SAXO1: variants seen among roughly 807,000 people sequenced by gnomAD.
The protein encoded by SAXO1 is 4930500O09Rik.
A neutral mutation model predicts 17.5 loss-of-function variants in SAXO1; 21 were observed. The observed-to-expected ratio is 1.20, with a 90% CI of 0.85 to 1.72. The LOEUF (loss-of-function observed/expected upper bound fraction) is 1.72, where lower values mean the gene tolerates loss of function less well. Among genes scored for constraint, SAXO1 ranks in the 40% most tolerant of loss-of-function variants. The pLI, the probability that SAXO1 is intolerant of heterozygous loss-of-function variation, is 0.00. For missense variants in SAXO1, 843 were observed against 596.0 expected, an observed-to-expected ratio of 1.41 and a Z score of -4.32; for synonymous variants, 274 against 216.5, an observed-to-expected ratio of 1.27 and a Z score of -2.33.
chr9:19,012,828 A>C (rs527836157), intron 1 of SAXO1, among the ~76,000 whole-genome samples: 1 of 152,358 alleles, frequency 6.6e-6, no homozygotes, highest in South Asian at 2.1e-4. Flanking sequence ...TTTACACAGC[A>C]GTCTGTATTA....
At chr9:18,962,453 G>A (rs1832527341) in intron 1 of SAXO1, among the ~76,000 whole-genome samples, 1 of 152,178 alleles carries the variant, frequency 6.6e-6, no homozygotes, top group South Asian at 2.1e-4. Flanking sequence ...CTTCTTTTGA[G>A]AAGTGTCTGT....
At chr9:19,024,168 G>C (rs1026777616) in intron 1 of SAXO1, among the ~76,000 whole-genome samples, 4 of 151,566 alleles carry the variant, frequency 2.6e-5, no homozygotes, top group South Asian at 2.1e-4. Context: ...GCAAGCTTCC[G>C]GCACGATCTC....
chr9:19,041,636 AATCT>A (rs1050697240), intron 1 of SAXO1, among the ~76,000 whole-genome samples: 1 of 152,182 alleles, frequency 6.6e-6, no homozygotes, highest in Non-Finnish European at 1.5e-5. Flanking sequence ...AGCAGAAACA[AATCT>A]ATACATCAAA....
chr9:19,000,449 G>A (rs377315719), intron 1 of SAXO1, among the ~76,000 whole-genome samples: 10 of 151,658 alleles, frequency 6.6e-5, no homozygotes, highest in South Asian at 6.3e-4. Context: ...CTGCCAGGCC[G>A]CCCCACCGTC....
chr9:18,932,028 T>C (rs888592211), intron 3 of SAXO1, among the ~76,000 whole-genome samples: 1 of 152,232 alleles, frequency 6.6e-6, no homozygotes, highest in African/African-American at 2.4e-5. Flanking sequence ...TTCTTAATGG[T>C]GTCTTTCTAA....
At chr9:19,013,540 A>ATTTTTTTT (rs1219136885) in intron 1 of SAXO1, among the ~76,000 whole-genome samples, 7 of 93,204 alleles carry the variant, frequency 7.5e-5, no homozygotes, top group African/African-American at 1.3e-4. Flanking sequence ...AAAAGTACGG[A>ATTTTTTTT]TTTTTTTTTT....
intron 1 of SAXO1, among the ~76,000 whole-genome samples, chr9:19,029,187 A>C (rs1490147131): frequency 6.6e-6 from 1 of 152,226 alleles, no homozygotes; most frequent in East Asian, 1.9e-4. Context: ...CAACAAGTAC[A>C]ATGTCCTCAA....
At chr9:18,975,598 A>G (rs1646175082) in intron 1 of SAXO1, among the ~76,000 whole-genome samples, 1 of 152,194 alleles carries the variant, frequency 6.6e-6, no homozygotes, top group Non-Finnish European at 1.5e-5. Flanking sequence ...CAATTGATCA[A>G]AGGATAAACT....
upstream of SAXO1, among the ~76,000 whole-genome samples, chr9:19,036,920 C>T (rs1054559435): frequency 6.6e-6 from 1 of 152,158 alleles, no homozygotes; most frequent in Non-Finnish European, 1.5e-5. Context: ...ATGAAAACAT[C>T]CAGAAGGGAG....
intron 1 of SAXO1, among the ~76,000 whole-genome samples, chr9:18,995,273 G>A (rs1182438367): frequency 2.6e-5 from 4 of 152,062 alleles, no homozygotes; most frequent in Non-Finnish European, 1.5e-5. Flanking sequence ...CTCCTTTCTA[G>A]CGATCAGTAT....
rs1422004360 is a variant in SAXO1, at chr9:18,927,921, T to G, written c.*131A>C. On this transcript the variant is annotated 3_prime_UTR_variant, in exon 4 of 4. Transcript: ENST00000380534. ...AGTGATTCTCATTTTATTCAAGTGCTCTGGAAGTGGTGAAGGTTTTTTGTT... is the reference window on the plus strand; with the variant it reads ...AGTGATTCTCATTTTATTCAAGTGCGCTGGAAGTGGTGAAGGTTTTTTGTT... 3.1e-6 allele frequency: 3 copies of G among 978,638 alleles called. No individual in the cohort carries two copies. The highest frequency in any genetic ancestry group is 1.6e-5 in the African/African-American group (1 of 61,668). The allele number at this position is 978,638 out of a possible 1,614,324, so 60.6% of individuals were successfully genotyped here. A position where few individuals can be genotyped will look rare whatever the true frequency, so the allele number is the denominator to read the frequency against.
intron 2 of SAXO1, among the ~76,000 whole-genome samples, chr9:18,942,635 G>A (rs1468213464): frequency 6.6e-6 from 1 of 152,170 alleles, no homozygotes; most frequent in Non-Finnish European, 1.5e-5. Context: ...CATTGTTTCA[G>A]GGAGTACCAA....
intron 3 of SAXO1, among the ~76,000 whole-genome samples, chr9:18,929,740 G>A (rs1271945058): frequency 6.6e-6 from 1 of 152,206 alleles, no homozygotes; most frequent in Admixed American, 6.5e-5. Flanking sequence ...TACTATTAAT[G>A]CCAGTTTTAT....
chr9:18,957,511 T>C (rs760908804), intron 1 of SAXO1, among the ~76,000 whole-genome samples: 1 of 152,186 alleles, frequency 6.6e-6, no homozygotes, highest in Non-Finnish European at 1.5e-5. Flanking sequence ...TCTTAAAGGA[T>C]TTGCAGCCCA....
intron 1 of SAXO1, among the ~76,000 whole-genome samples, chr9:18,991,260 T>C (rs1323017842): frequency 1.3e-5 from 2 of 152,132 alleles, no homozygotes; most frequent in East Asian, 3.9e-4. Context: ...GACTCACACA[T>C]GCACACTTAT....
intron 1 of SAXO1, among the ~76,000 whole-genome samples, chr9:18,983,170 T>C (rs1442757489): frequency 6.6e-6 from 1 of 152,238 alleles, no homozygotes; most frequent in East Asian, 1.9e-4. Context: ...GAGTAATTTA[T>C]AAACTAGAGA....
intron 1 of SAXO1, among the ~76,000 whole-genome samples, chr9:18,991,244 GA>G: frequency 6.6e-6 from 1 of 152,166 alleles, no homozygotes; most frequent in Non-Finnish European, 1.5e-5. Context: ...CTGGGTGACA[GA>G]GCGAGACTCA....
chr9:18,996,802 T>C (rs145117142), intron 1 of SAXO1, among the ~76,000 whole-genome samples: 48 of 152,196 alleles, frequency 3.2e-4, no homozygotes, highest in African/African-American at 1.1e-3. Flanking sequence ...CCCACATATA[T>C]AACTTCTATT....
chr9:19,027,550 C>T, intron 1 of SAXO1: 1 of 1,179,468 alleles, frequency 8.5e-7, no homozygotes, highest in Non-Finnish European at 1.3e-6. Flanking sequence ...TGGCCTGGGC[C>T]TGTAGGGCAC....
Sources: gnomAD v4.1 joint callset for allele counts (sites outside exome capture counted in the v4.1 genomes callset) on GRCh38, gnomAD v4.1.1 for gene constraint, MANE v1.5 for transcripts, NCBI Gene and HGNC (gene_info 2026-07-23, HGNC 2026-07-21) for gene names.